The following AKR7A3 variants were observed in gnomAD, a reference collection of about 807,000 sequenced individuals.
The protein encoded by AKR7A3 is AFB1 aldehyde reductase 2.
AKR7A3 carries 37 observed loss-of-function variants against 32.5 expected under a neutral mutation model. The observed-to-expected ratio is 1.14, with a 90% CI of 0.88 to 1.50. AKR7A3 has a LOEUF of 1.50. Ranked by LOEUF, AKR7A3 falls within the 40% of genes most tolerant of loss-of-function variation. AKR7A3 has a pLI of 0.00. For missense variants in AKR7A3, 412 were observed against 453.2 expected (o/e 0.91, Z 0.83); for synonymous variants, 177 against 188.4 (o/e 0.94, Z 0.50).
downstream of AKR7A3, among the ~76,000 whole-genome samples, chr1:19,280,267 A>AGT (rs2093716766): frequency 6.6e-6 from 1 of 151,774 alleles, no homozygotes; most frequent in Non-Finnish European, 1.5e-5. Context: ...TGAGACAGAC[A>AGT]GAGTCTTGCT....
chr1:19,283,840 A>G (rs2093723161), intron 6 of AKR7A3, among the ~76,000 whole-genome samples, 156 bp downstream of exon 6: 1 of 152,018 alleles, frequency 6.6e-6, no homozygotes. Flanking sequence ...CCCCAAAAAA[A>G]AAACATAGAA....
intron 6 of AKR7A3, 33 bp downstream of exon 6, chr1:19,283,963 G>A (rs1286795699): frequency 1.2e-6 from 2 of 1,612,208 alleles, no homozygotes; most frequent in Non-Finnish European, 1.7e-6. Context: ...CCCCTGGAAG[G>A]GAAGAAGCTG....
chr1:19,282,461 C>A (rs2093720407), downstream of AKR7A3: 1 of 513,874 alleles, frequency 1.9e-6, no homozygotes, highest in Non-Finnish European at 3.4e-6. Flanking sequence ...CGGCACCACA[C>A]CCCCTTGTAC....
At chr1:19,284,203 C>G in intron 5 of AKR7A3, 78 bp from the exon 6 acceptor site, 2 of 1,536,396 alleles carry the variant, frequency 1.3e-6, no homozygotes, top group Non-Finnish European at 1.8e-6. Context: ...GGGCCACTGT[C>G]CCACCCCACA....
At position 19,286,223 on chromosome 1, in the gene AKR7A3, C is replaced by T. The variant is rs138337504; in HGVS notation, c.364G>A (p.Glu122Lys). ...LHMPDHSTPV[E>K]ETLRACHQLH... ...TGGTGGCAGGCACGCAGTGTCTCTT[C>T]CACCGGGGTGCTGTGGTCTGGCATA... The change falls in exon 2 of 7, where the codon GAA becomes AAA. Residue 122 changes from glutamate to lysine, a missense_variant. Glu to Lys is a moderately conservative substitution (Grantham distance 56). Transcript: ENST00000361640. 1.4e-3 allele frequency: 2,253 copies of T among 1,613,250 alleles called. 73 individuals are homozygous for T. In the African/African-American group the frequency reaches 0.024, roughly 17 times the overall value.
chr1:19,282,675 T>A lies in AKR7A3; in HGVS notation c.*56A>T. The A allele has an allele frequency of 1.2e-6, 2 of 1,612,878 alleles. No individual in the cohort carries two copies. Among genetic ancestry groups the A allele is most frequent in the Non-Finnish European group, 1.7e-6 (2 of 1,179,576 alleles). ...TGAGGCAGTTCTAAATTAAAGAAAA[T>A]GTGAGTAACAAAAGATGTTACAGAA... On this transcript the variant is annotated 3_prime_UTR_variant, in exon 7 of 7. Coordinates refer to ENST00000361640, the MANE Select transcript of AKR7A3 (RefSeq NM_012067.3).
downstream of AKR7A3, among the ~76,000 whole-genome samples, chr1:19,281,735 C>T (rs1250666189): frequency 6.6e-6 from 1 of 152,018 alleles, no homozygotes; most frequent in East Asian, 1.9e-4. Context: ...TCATTTTAAG[C>T]AATTGAATTT....
chr1:19,286,530 A>G (rs1320457566), intron 1 of AKR7A3, among the ~76,000 whole-genome samples, 158 bp from the exon 2 acceptor site: 2 of 151,734 alleles, frequency 1.3e-5, no homozygotes, highest in African/African-American at 4.9e-5. Context: ...AAACACAAAA[A>G]TTAGCTGGGC....
At chr1:19,285,207 C>G in intron 3 of AKR7A3, 93 bp from the exon 4 acceptor site, 2 of 1,211,178 alleles carry the variant, frequency 1.7e-6, no homozygotes, top group Non-Finnish European at 2.4e-6. Context: ...CAGACCTTAA[C>G]AATTCTAGGA....
Position 19,285,189 on chromosome 1 carries a change from C to T in AKR7A3, c.508-75G>A, listed in dbSNP as rs551779345. The T allele has an allele frequency of 2.9e-6, 4 of 1,400,698 alleles. No individual in the cohort carries two copies. In the African/African-American group the frequency reaches 4.3e-5, roughly 15 times the overall value. The allele number at this position is 1,400,698 out of a possible 1,614,324, so 86.8% of individuals were successfully genotyped here. A position where few individuals can be genotyped will look rare whatever the true frequency, so the allele number is the denominator to read the frequency against. On this transcript the variant is annotated intron_variant, in intron 3 of 6. Transcript: ENST00000361640. ...GACTTCAAAATTACCCTTCCAGAAC[C>T]CTTATTTCAGACCTTAACAATTCTA...
the AKR7A3 span, among the ~76,000 whole-genome samples, chr1:19,275,177 G>C: frequency 1.3e-5 from 2 of 151,742 alleles, 1 homozygote; most frequent in African/African-American, 4.9e-5. Flanking sequence ...TTGGGAGGCC[G>C]AGGGGGGTGG....
chr1:19,283,142 C>T (rs948266342), intron 6 of AKR7A3, among the ~76,000 whole-genome samples: 8 of 148,902 alleles, frequency 5.4e-5, no homozygotes, highest in Non-Finnish European at 1.2e-4. Context: ...TGTGTAAACG[C>T]GGCTAAGTTA....
intron 1 of AKR7A3, among the ~76,000 whole-genome samples, chr1:19,288,146 T>C (rs1368175353): frequency 6.6e-6 from 1 of 152,044 alleles, no homozygotes; most frequent in South Asian, 2.1e-4. Flanking sequence ...AGGGCACAGG[T>C]GGGGACAGGA....
chr1:19,282,348 CCT>C (rs1216428666), downstream of AKR7A3, among the ~76,000 whole-genome samples: 21 of 151,734 alleles, frequency 1.4e-4, no homozygotes, highest in African/African-American at 3.4e-4. Flanking sequence ...AATTTCCTCC[CCT>C]GTCTGTCTCT....
the AKR7A3 span, among the ~76,000 whole-genome samples, chr1:19,276,801 T>TA: frequency 2.2e-4 from 33 of 146,840 alleles, 1 homozygote; most frequent in Non-Finnish European, 3.9e-4. Flanking sequence ...GATTCCGTCT[T>TA]AAAAAAAAAT....
chr1:19,274,603 C>G, the AKR7A3 span, among the ~76,000 whole-genome samples: 1 of 151,622 alleles, frequency 6.6e-6, no homozygotes, highest in Non-Finnish European at 1.5e-5. Flanking sequence ...TGGTTAAAGT[C>G]TTGAAAGAAA....
At chr1:19,279,677 T>C (rs1467367305), downstream of AKR7A3, among the ~76,000 whole-genome samples, 7 of 151,944 alleles carry the variant, frequency 4.6e-5, no homozygotes, top group Non-Finnish European at 1.0e-4. Flanking sequence ...TGGGTAATGA[T>C]GTTGAGCGCT....
At chr1:19,279,831 C>T (rs7528964), downstream of AKR7A3, among the ~76,000 whole-genome samples, 4,707 of 151,898 alleles carry the variant, frequency 0.031, 356 homozygotes, top group African/African-American at 0.11. Flanking sequence ...GTCCAACCCA[C>T]GACCCGCAGG....
At chr1:19,282,278 T>C (rs939856067), downstream of AKR7A3, among the ~76,000 whole-genome samples, 3 of 151,606 alleles carry the variant, frequency 2.0e-5, no homozygotes, top group Non-Finnish European at 2.9e-5. Flanking sequence ...ATCTGTATAG[T>C]AATGAGTGAG....
Sources: allele counts gnomAD v4.1 joint callset (sites outside exome capture counted in the v4.1 genomes callset), GRCh38; gene constraint gnomAD v4.1.1; transcripts MANE v1.5; gene names NCBI Gene and HGNC (gene_info 2026-07-23, HGNC 2026-07-21).